The following C10orf90 variants were observed in gnomAD, a reference collection of about 807,000 sequenced individuals.
C10orf90 encodes the protein chromosome 10 open reading frame 90, also known as (E2-independent) E3 ubiquitin-conjugating enzyme FATS.
C10orf90 carries 56 observed loss-of-function variants against 62.5 expected under a neutral mutation model. That is an observed-to-expected ratio of 0.90 (90% CI 0.72 to 1.12). The LOEUF (loss-of-function observed/expected upper bound fraction) is 1.12. Ranked by LOEUF, C10orf90 falls within the 50% of genes most tolerant of loss-of-function variation. The probability of loss-of-function intolerance (pLI) is 0.00; values close to 1 mark genes in which losing one functional copy is unlikely to be tolerated. For synonymous variants in C10orf90, 386 were observed against 340.4 expected (o/e 1.13, Z -1.47); for missense variants, 970 against 880.4 (o/e 1.10, Z -1.29).
chr10:126,662,768 C>T (rs546620104), intron 1 of C10orf90, among the ~76,000 whole-genome samples: 2 of 149,888 alleles, frequency 1.3e-5, no homozygotes, highest in African/African-American at 4.9e-5. Context: ...GACACCCTGG[C>T]CTGGCATCAT....
At chr10:126,513,424 C>T (rs1475590090) in intron 3 of C10orf90, among the ~76,000 whole-genome samples, 1 of 152,184 alleles carries the variant, frequency 6.6e-6, no homozygotes, top group East Asian at 1.9e-4. Flanking sequence ...CTTTTGTTCC[C>T]TACGATCTGA....
chr10:126,615,670 G>A (rs1263227529), intron 2 of C10orf90, among the ~76,000 whole-genome samples: 3 of 151,994 alleles, frequency 2.0e-5, no homozygotes, highest in South Asian at 4.2e-4. Flanking sequence ...GACGTGTAAG[G>A]CATTGTAGGG....
At chr10:126,459,288 C>T (rs2134102761) in intron 6 of C10orf90, 71 bp from the exon 7 acceptor site, 2 of 1,567,940 alleles carry the variant, frequency 1.3e-6, no homozygotes, top group Admixed American at 3.4e-5. Context: ...CTGTCTGATG[C>T]AGCCAAGAAG....
chr10:126,596,993 C>T (rs1845100313), intron 2 of C10orf90, among the ~76,000 whole-genome samples: 1 of 152,190 alleles, frequency 6.6e-6, no homozygotes, highest in Non-Finnish European at 1.5e-5. Context: ...ATTAAAACCA[C>T]AATGAGATAC....
intron 4 of C10orf90, among the ~76,000 whole-genome samples, chr10:126,485,208 A>T (rs1861366179): frequency 6.6e-6 from 1 of 152,196 alleles, no homozygotes. Context: ...GACACGACAA[A>T]AACTCAACAG....
intron 2 of C10orf90, among the ~76,000 whole-genome samples, chr10:126,580,858 T>C (rs1844735513): frequency 6.6e-6 from 1 of 152,126 alleles, no homozygotes; most frequent in African/African-American, 2.4e-5. Context: ...TGTCTGTGCA[T>C]GTGTGTTTTC....
intron 2 of C10orf90, among the ~76,000 whole-genome samples, chr10:126,638,681 C>T (rs1043851952): frequency 6.6e-6 from 1 of 152,168 alleles, no homozygotes; most frequent in Non-Finnish European, 1.5e-5. Context: ...TCCCATGCTG[C>T]TCCCTCAGAT....
chr10:126,635,589 T>A (rs1845934787), intron 2 of C10orf90, among the ~76,000 whole-genome samples: 1 of 152,196 alleles, frequency 6.6e-6, no homozygotes, highest in African/African-American at 2.4e-5. Context: ...ATTAACGAGA[T>A]GCAATCTCAA....
intron 2 of C10orf90, among the ~76,000 whole-genome samples, chr10:126,576,452 C>G (rs1844612420): frequency 6.6e-6 from 1 of 151,852 alleles, no homozygotes; most frequent in Admixed American, 6.6e-5. Flanking sequence ...AAAGGAAACT[C>G]TTTATACACT....
intron 2 of C10orf90, among the ~76,000 whole-genome samples, chr10:126,628,713 T>G (rs745629405): frequency 6.6e-6 from 1 of 152,232 alleles, no homozygotes; most frequent in Non-Finnish European, 1.5e-5. Context: ...GGCAGTAAGC[T>G]GTCCTGACCT....
At chr10:126,501,534 T>G (rs924198638) in intron 4 of C10orf90, among the ~76,000 whole-genome samples, 1 of 152,102 alleles carries the variant, frequency 6.6e-6, no homozygotes, top group South Asian at 2.1e-4. Flanking sequence ...AGAGTCCACC[T>G]TGGGCAAATA....
At chr10:126,542,914 T>C (rs1329603280) in intron 2 of C10orf90, among the ~76,000 whole-genome samples, 1 of 152,232 alleles carries the variant, frequency 6.6e-6, no homozygotes, top group East Asian at 1.9e-4. Flanking sequence ...GATATGTGTA[T>C]ATATGTATAT....
intron 2 of C10orf90, among the ~76,000 whole-genome samples, chr10:126,608,002 T>C (rs1201895856): frequency 1.3e-5 from 2 of 152,140 alleles, no homozygotes; most frequent in Non-Finnish European, 2.9e-5. Context: ...GAATGGGGAA[T>C]TGTTTCATGA....
At chr10:126,518,229 A>C (rs1335514159) in intron 2 of C10orf90, among the ~76,000 whole-genome samples, 1 of 152,176 alleles carries the variant, frequency 6.6e-6, no homozygotes, top group Non-Finnish European at 1.5e-5. Context: ...CGATGGGGGC[A>C]CTTGTTGGAA....
intron 7 of C10orf90, among the ~76,000 whole-genome samples, chr10:126,445,805 G>GTATATATATATATATATATATATATATA (rs71029302): frequency 5.0e-5 from 5 of 100,744 alleles, no homozygotes; most frequent in East Asian, 7.6e-4. Context: ...AAACTGTGGT[G>GTATATATATATATATATATATATATATA]TATATATATA....
chr10:126,442,609 G>T (rs1386722862), intron 7 of C10orf90, among the ~76,000 whole-genome samples: 3 of 119,134 alleles, frequency 2.5e-5, no homozygotes, highest in Admixed American at 9.0e-5. Context: ...GAATATTGAA[G>T]TTCCCTACTA....
At chr10:126,652,189 A>T (rs1846304197) in intron 1 of C10orf90, among the ~76,000 whole-genome samples, 1 of 152,192 alleles carries the variant, frequency 6.6e-6, no homozygotes, top group Admixed American at 6.5e-5. Context: ...ACTGAGATTT[A>T]TTGCTCTACC....
intron 2 of C10orf90, among the ~76,000 whole-genome samples, chr10:126,533,583 A>T (rs910137904): frequency 3.9e-5 from 6 of 152,126 alleles, no homozygotes; most frequent in African/African-American, 1.4e-4. Context: ...CCCTGGATGG[A>T]CTCTAACCCT....
At chr10:126,574,916 A>C (rs1591112463) in intron 2 of C10orf90, among the ~76,000 whole-genome samples, 1 of 152,272 alleles carries the variant, frequency 6.6e-6, no homozygotes, top group Admixed American at 6.5e-5. Context: ...TTCTCTTGGT[A>C]GAATATTGAA....
Sources: allele counts gnomAD v4.1 joint callset (sites outside exome capture counted in the v4.1 genomes callset), GRCh38; gene constraint gnomAD v4.1.1; transcripts MANE v1.5; gene names NCBI Gene and HGNC (gene_info 2026-07-23, HGNC 2026-07-21).